The following CACNA2D3 variants were observed in gnomAD, a reference collection of about 807,000 sequenced individuals.
CACNA2D3 encodes the protein calcium voltage-gated channel auxiliary subunit alpha2delta 3.
A neutral mutation model predicts 160.6 loss-of-function variants in CACNA2D3; 60 were observed. The ratio of observed to expected loss-of-function variants is 0.37; its 90% CI spans 0.30 to 0.46. The LOEUF is 0.46. CACNA2D3 is among the 20% of genes least tolerant of loss of function. CACNA2D3 has a pLI of 1.00. For missense variants in CACNA2D3, 1,205 were observed against 1,365.0 expected (o/e 0.88, Z 1.85); for synonymous variants, 558 against 492.9 (o/e 1.13, Z -1.75).
intron 27 of CACNA2D3, among the ~76,000 whole-genome samples, chr3:54,909,101 C>T (rs991735709): frequency 3.9e-5 from 6 of 152,274 alleles, no homozygotes; most frequent in Middle Eastern, 3.4e-3. Flanking sequence ...GGTTGTGCAT[C>T]GGTAGTGCCT....
chr3:54,736,764 A>G (rs1370479115), intron 11 of CACNA2D3, among the ~76,000 whole-genome samples: 1 of 152,126 alleles, frequency 6.6e-6, no homozygotes, highest in East Asian at 1.9e-4. Context: ...CTCATGTCAT[A>G]ATGTAGCAAT....
intron 17 of CACNA2D3, among the ~76,000 whole-genome samples, chr3:54,865,448 A>G (rs1034837081): frequency 2.0e-5 from 3 of 152,194 alleles, no homozygotes; most frequent in African/African-American, 7.2e-5. Context: ...CCAAGGGAGT[A>G]GGGGCTGACA....
At chr3:54,807,544 G>A (rs1480973138) in intron 13 of CACNA2D3, among the ~76,000 whole-genome samples, 1 of 152,018 alleles carries the variant, frequency 6.6e-6, no homozygotes, top group Non-Finnish European at 1.5e-5. Flanking sequence ...TCATTTAAAA[G>A]TCAGGAAACA....
At chr3:54,599,447 C>T (rs1703023282) in intron 9 of CACNA2D3, among the ~76,000 whole-genome samples, 1 of 152,220 alleles carries the variant, frequency 6.6e-6, no homozygotes, top group Non-Finnish European at 1.5e-5. Flanking sequence ...ATGGTCAGGC[C>T]CTTTATTGGA....
At chr3:54,574,454 A>G (rs1331235314) in intron 8 of CACNA2D3, among the ~76,000 whole-genome samples, 1 of 152,224 alleles carries the variant, frequency 6.6e-6, no homozygotes, top group Non-Finnish European at 1.5e-5. Context: ...ATAAACATAA[A>G]GAGATAATGT....
chr3:54,202,358 G>A (rs1224554324), intron 2 of CACNA2D3, among the ~76,000 whole-genome samples: 1 of 152,202 alleles, frequency 6.6e-6, no homozygotes, highest in African/African-American at 2.4e-5. Context: ...GAGCTCATCT[G>A]GCTGTCTCAC....
chr3:55,059,633 C>G (rs558296088), intron 35 of CACNA2D3, among the ~76,000 whole-genome samples: 1 of 152,338 alleles, frequency 6.6e-6, no homozygotes, highest in Non-Finnish European at 1.5e-5. Context: ...GCTCTGCTGT[C>G]CATAGACAGC....
At chr3:54,982,565 C>T (rs1702530002) in intron 29 of CACNA2D3, among the ~76,000 whole-genome samples, 1 of 152,042 alleles carries the variant, frequency 6.6e-6, no homozygotes, top group Admixed American at 6.5e-5. Flanking sequence ...GATCCAGACC[C>T]CAGGAGAGGG....
intron 11 of CACNA2D3, among the ~76,000 whole-genome samples, chr3:54,651,729 G>A (rs1048949785): frequency 2.0e-5 from 3 of 152,122 alleles, no homozygotes; most frequent in Non-Finnish European, 4.4e-5. Flanking sequence ...AAAGCCTCAA[G>A]CCAGCCTTGC....
chr3:54,530,290 C>G (rs888488908), intron 5 of CACNA2D3, among the ~76,000 whole-genome samples: 1 of 152,162 alleles, frequency 6.6e-6, no homozygotes, highest in African/African-American at 2.4e-5. Flanking sequence ...TGGTGGAGCT[C>G]TCCTGGCCCG....
chr3:54,234,611 A>G (rs1470416218), intron 2 of CACNA2D3, among the ~76,000 whole-genome samples: 1 of 152,218 alleles, frequency 6.6e-6, no homozygotes, highest in East Asian at 1.9e-4. Flanking sequence ...ATTAACCTAC[A>G]TGCCCATCAA....
At chr3:54,425,916 C>T (rs1268743869) in intron 4 of CACNA2D3, among the ~76,000 whole-genome samples, 1 of 152,202 alleles carries the variant, frequency 6.6e-6, no homozygotes, top group African/African-American at 2.4e-5. Context: ...CACAGATGGG[C>T]CCTTTGGTAG....
chr3:54,655,078 G>A (rs1437138901), intron 11 of CACNA2D3, among the ~76,000 whole-genome samples: 4 of 152,204 alleles, frequency 2.6e-5, no homozygotes, highest in Admixed American at 6.5e-5. Flanking sequence ...GGACATGTTA[G>A]CTTATTGGCT....
chr3:54,957,308 A>G (rs1701923677), intron 27 of CACNA2D3, among the ~76,000 whole-genome samples: 1 of 151,818 alleles, frequency 6.6e-6, no homozygotes, highest in South Asian at 2.1e-4. Flanking sequence ...CACTGCACTC[A>G]GCTAATTTTT....
chr3:54,591,973 CT>C (rs745779310), intron 9 of CACNA2D3, among the ~76,000 whole-genome samples: 7 of 152,122 alleles, frequency 4.6e-5, no homozygotes, highest in East Asian at 3.9e-4. Flanking sequence ...ACCCAAGATT[CT>C]TTCCTGCCCG....
chr3:54,215,045 T>C (rs574838823), intron 2 of CACNA2D3, among the ~76,000 whole-genome samples: 1 of 152,316 alleles, frequency 6.6e-6, no homozygotes, highest in South Asian at 2.1e-4. Flanking sequence ...GACATCATCC[T>C]GTCCCCTCCC....
At chr3:54,123,709 C>T in intron 2 of CACNA2D3, 115 bp downstream of exon 2, 1 of 849,358 alleles carries the variant, frequency 1.2e-6, no homozygotes, top group Non-Finnish European at 2.0e-6. Context: ...GGAGGACTCT[C>T]TGATCCCCGG....
At chr3:54,782,227 A>G (rs1414150682) in intron 13 of CACNA2D3, among the ~76,000 whole-genome samples, 1 of 152,224 alleles carries the variant, frequency 6.6e-6, no homozygotes, top group Non-Finnish European at 1.5e-5. Flanking sequence ...TAAAATTAGC[A>G]TTCACATTTG....
At chr3:54,860,428 G>T (rs559293741) in intron 17 of CACNA2D3, among the ~76,000 whole-genome samples, 1 of 152,270 alleles carries the variant, frequency 6.6e-6, no homozygotes, top group African/African-American at 2.4e-5. Context: ...ACTGGGAGGG[G>T]CTGGGACTTT....
Sources: allele counts gnomAD v4.1 joint callset (sites outside exome capture counted in the v4.1 genomes callset), GRCh38; gene constraint gnomAD v4.1.1; transcripts MANE v1.5; gene names NCBI Gene and HGNC (gene_info 2026-07-23, HGNC 2026-07-21).